DNAH6: variants seen among roughly 807,000 people sequenced by gnomAD.
DNAH6 encodes the protein axonemal beta dynein heavy chain 6.
In DNAH6, 340 loss-of-function variants were observed where a neutral mutation model predicts 491.4. The observed-to-expected ratio is 0.69, with a 90% CI of 0.63 to 0.76. The LOEUF is 0.76. DNAH6 is among the 30% of genes least tolerant of loss of function. DNAH6 has a pLI of 0.00. For synonymous variants in DNAH6, 1,603 were observed against 1,686.1 expected, an observed-to-expected ratio of 0.95 and a Z score of 1.21; for missense variants, 4,443 against 4,972.2, an observed-to-expected ratio of 0.89 and a Z score of 3.20.
At chr2:84,617,102 A>G (rs1686932500) in intron 23 of DNAH6, 120 bp downstream of exon 23, 1 of 579,768 alleles carries the variant, frequency 1.7e-6, no homozygotes, top group African/African-American at 2.0e-5. Flanking sequence ...AAGATCTACG[A>G]TAATGAAAAT....
the DNAH6 span, among the ~76,000 whole-genome samples, chr2:84,507,424 G>C: frequency 6.6e-6 from 1 of 152,238 alleles, no homozygotes; most frequent in Admixed American, 6.5e-5. Flanking sequence ...TTTGTAACCT[G>C]AGACTTTGCT....
At chr2:84,580,019 ATAGAGT>A (rs1573088440) in intron 14 of DNAH6, among the ~76,000 whole-genome samples, 1 of 152,370 alleles carries the variant, frequency 6.6e-6, no homozygotes, top group East Asian at 1.9e-4. Context: ...TATGGATGTG[ATAGAGT>A]TAGAATTTAG....
chr2:84,763,317 T>G (rs1253879447), intron 64 of DNAH6, among the ~76,000 whole-genome samples: 9 of 152,188 alleles, frequency 5.9e-5, no homozygotes, highest in Non-Finnish European at 1.2e-4. Flanking sequence ...ATTAATCTCT[T>G]CTTTTTCATG....
rs1055140950 is a variant in DNAH6, at chr2:84,746,086, A to G, written c.10512+837A>G. ...CAACTAAGCAAATGAGAAAGGAGTA[A>G]TGTGTGAGAGAGAGATGCTATTGAT... On this transcript the variant is annotated intron_variant, in intron 63 of 76. Coordinates refer to ENST00000389394, the MANE Select transcript of DNAH6 (RefSeq NM_001370.2). Among the ~76,000 whole-genome samples the G allele has an allele frequency of 3.9e-5, 6 of 152,172 alleles. No individual in the cohort carries two copies. In the South Asian group the frequency reaches 1.0e-3, roughly 26 times the overall value.
the DNAH6 span, among the ~76,000 whole-genome samples, chr2:84,504,433 A>T: frequency 6.6e-6 from 1 of 152,046 alleles, no homozygotes; most frequent in African/African-American, 2.4e-5. Context: ...TCATTTACTG[A>T]GGTCGTGTTT....
intron 37 of DNAH6, among the ~76,000 whole-genome samples, chr2:84,661,319 T>C (rs1346433143): frequency 3.9e-5 from 6 of 152,124 alleles, no homozygotes; most frequent in African/African-American, 1.4e-4. Context: ...AAACACTATA[T>C]TGGAGAGTCT....
the DNAH6 span, among the ~76,000 whole-genome samples, chr2:84,510,405 T>A: frequency 3.3e-5 from 5 of 152,232 alleles, no homozygotes; most frequent in African/African-American, 1.2e-4. Context: ...GTAGTTCTCG[T>A]GCCTTGGTTT....
chr2:84,770,381 A>T (rs1294731220), intron 64 of DNAH6, among the ~76,000 whole-genome samples: 1 of 152,212 alleles, frequency 6.6e-6, no homozygotes, highest in East Asian at 1.9e-4. Context: ...TGAATGCCAG[A>T]CATTGGGCTT....
intron 16 of DNAH6, among the ~76,000 whole-genome samples, 187 bp downstream of exon 16, chr2:84,589,141 A>G (rs1006564709): frequency 6.6e-6 from 1 of 152,256 alleles, no homozygotes; most frequent in Non-Finnish European, 1.5e-5. Flanking sequence ...TTAAAGACTA[A>G]CACACATGAG....
At chr2:84,513,014 T>G (rs1675394361), upstream of DNAH6, among the ~76,000 whole-genome samples, 1 of 152,162 alleles carries the variant, frequency 6.6e-6, no homozygotes, top group Admixed American at 6.5e-5. Context: ...ATTTTGTATT[T>G]GTTTTCTATA....
chr2:84,621,133 G>T lies in DNAH6; in HGVS notation c.3793-58G>T, dbSNP rs896238912. On this transcript the variant is annotated intron_variant, in intron 24 of 76. Coordinates refer to ENST00000389394, the MANE Select transcript of DNAH6 (RefSeq NM_001370.2). Reference sequence around the variant, plus strand: ...GGATTCTGTAATGGAAATACAGAAGGCATACAGCTTACAAGTCCCACACAA... The same window carrying T: ...GGATTCTGTAATGGAAATACAGAAGTCATACAGCTTACAAGTCCCACACAA... 10 of 1,504,360 alleles carry T rather than the reference G, an allele frequency of 6.6e-6. No individual in the cohort carries two copies. In the East Asian group the frequency reaches 2.2e-4, roughly 33 times the overall value. 93.2% of individuals were successfully genotyped at this position (1,504,360 alleles called of 1,614,324 possible).
In DNAH6 at chr2:84,786,687, T is replaced by C. The variant is rs1198127341; in HGVS notation, c.11101-477T>C. ...TAGGATAGGGAGATAACAAAGGAAGTTGGGGGAGGATTTCATGATGGTATG... is the reference window on the plus strand; with the variant it reads ...TAGGATAGGGAGATAACAAAGGAAGCTGGGGGAGGATTTCATGATGGTATG... On this transcript the variant is annotated intron_variant, in intron 67 of 76. Coordinates refer to ENST00000389394, the MANE Select transcript of DNAH6 (RefSeq NM_001370.2). 2.0e-5 allele frequency among the ~76,000 whole-genome samples: 3 copies of C among 152,006 alleles called. No individual in the cohort carries two copies. In the East Asian group the frequency reaches 5.8e-4, roughly 29 times the overall value.
the DNAH6 span, among the ~76,000 whole-genome samples, chr2:84,484,390 C>T: frequency 6.6e-6 from 1 of 152,140 alleles, no homozygotes; most frequent in Non-Finnish European, 1.5e-5. Flanking sequence ...TGGTCTTAAA[C>T]CAAAATCTGA....
chr2:84,583,605 A>C (rs936315088), intron 14 of DNAH6, among the ~76,000 whole-genome samples: 5 of 152,138 alleles, frequency 3.3e-5, no homozygotes, highest in Non-Finnish European at 7.3e-5. Context: ...GAATTCCTAC[A>C]TGTCAAAGAT....
chr2:84,646,758 G>T (rs1205095763), intron 33 of DNAH6, among the ~76,000 whole-genome samples: 1 of 152,178 alleles, frequency 6.6e-6, no homozygotes, highest in African/African-American at 2.4e-5. Flanking sequence ...AAAGTTCAAA[G>T]CTAGCAGACA....
In DNAH6 at chr2:84,638,843, G is replaced by A. The variant is rs553378592; in HGVS notation, c.4821+1466G>A. Among the ~76,000 whole-genome samples the A allele has an allele frequency of 7.9e-5, 12 of 152,238 alleles. No individual in the cohort carries two copies. In the South Asian group the frequency reaches 2.5e-3, roughly 32 times the overall value. ...TGGCCTTAAGGAGCTTTTACTCATG[G>A]TGGAAGGTGAAGTGGGAGCAGGCAC... On this transcript the variant is annotated intron_variant, in intron 31 of 76. Coordinates refer to ENST00000389394, the MANE Select transcript of DNAH6 (RefSeq NM_001370.2).
At chr2:84,782,244 A>T (rs1676765098) in intron 65 of DNAH6, among the ~76,000 whole-genome samples, 1 of 152,214 alleles carries the variant, frequency 6.6e-6, no homozygotes, top group Admixed American at 6.5e-5. Context: ...ACTCATTTTA[A>T]AGTGTTACTA....
chr2:84,728,560 A>C (rs1254116231), intron 61 of DNAH6, among the ~76,000 whole-genome samples: 1 of 152,256 alleles, frequency 6.6e-6, no homozygotes, highest in Non-Finnish European at 1.5e-5. Flanking sequence ...TGTTTTGCAA[A>C]GCTGAACCTC....
intron 70 of DNAH6, among the ~76,000 whole-genome samples, chr2:84,804,919 TA>T (rs1329251385): frequency 6.6e-6 from 1 of 152,086 alleles, no homozygotes; most frequent in Non-Finnish European, 1.5e-5. Context: ...GGGATCAAGC[TA>T]TTCCCCATTC....
Sources: allele counts gnomAD v4.1 joint callset (sites outside exome capture counted in the v4.1 genomes callset), GRCh38; gene constraint gnomAD v4.1.1; transcripts MANE v1.5; gene names NCBI Gene and HGNC (gene_info 2026-07-23, HGNC 2026-07-21).